Variants in FAM107B observed in about 807,000 individuals in gnomAD.
FAM107B encodes protein FAM107B.
In FAM107B, 21 loss-of-function variants were observed where a neutral mutation model predicts 31.5. The observed-to-expected ratio is 0.67, with a 90% CI of 0.47 to 0.96. FAM107B has a LOEUF of 0.96. Among genes scored for constraint, FAM107B ranks in the 40% least tolerant of loss-of-function variants. The probability of loss-of-function intolerance (pLI) is 0.00; values close to 1 mark genes in which losing one functional copy is unlikely to be tolerated. For missense variants in FAM107B, 452 were observed against 377.1 expected (o/e 1.20, Z -1.64); for synonymous variants, 157 against 141.5 (o/e 1.11, Z -0.78).
chr10:14,674,723 C>T (rs1284213302), intron 1 of FAM107B, among the ~76,000 whole-genome samples: 1 of 152,064 alleles, frequency 6.6e-6, no homozygotes, highest in Non-Finnish European at 1.5e-5. Flanking sequence ...CAAGGGGAAA[C>T]AGAGTTGTTT....
At chr10:14,662,850 T>C (rs892151392) in intron 2 of FAM107B, among the ~76,000 whole-genome samples, 11 of 152,120 alleles carry the variant, frequency 7.2e-5, no homozygotes, top group African/African-American at 2.7e-4. Context: ...ATGCAAAGTA[T>C]TGTTTCTGGG....
At chr10:14,733,338 T>G (rs1856218017) in intron 1 of FAM107B, among the ~76,000 whole-genome samples, 1 of 152,114 alleles carries the variant, frequency 6.6e-6, no homozygotes. Context: ...CACATTTTAC[T>G]TCAATTTTGT....
chr10:14,530,918 CAT>C (rs1438197868), intron 2 of FAM107B, among the ~76,000 whole-genome samples: 4 of 152,188 alleles, frequency 2.6e-5, no homozygotes, highest in Non-Finnish European at 4.4e-5. Context: ...CAGTTGGACA[CAT>C]GTGTCAGGAA....
chr10:14,615,978 A>G (rs1564601232), intron 2 of FAM107B, among the ~76,000 whole-genome samples: 1 of 152,252 alleles, frequency 6.6e-6, no homozygotes, highest in Non-Finnish European at 1.5e-5. Context: ...TTACTTAGGC[A>G]TACTTCCCAA....
chr10:14,584,580 A>G (rs1851762231), intron 2 of FAM107B, among the ~76,000 whole-genome samples: 1 of 152,240 alleles, frequency 6.6e-6, no homozygotes, highest in South Asian at 2.1e-4. Context: ...AAACCACACC[A>G]AAAGAAAACC....
intron 2 of FAM107B, among the ~76,000 whole-genome samples, chr10:14,565,362 C>A (rs1478700813): frequency 1.3e-5 from 2 of 152,050 alleles, no homozygotes; most frequent in Non-Finnish European, 1.5e-5. Flanking sequence ...AAGGGGAGAA[C>A]CCTCGGCAGA....
chr10:14,577,322 GC>G (rs1363677047), intron 2 of FAM107B, among the ~76,000 whole-genome samples: 1 of 152,128 alleles, frequency 6.6e-6, no homozygotes, highest in Non-Finnish European at 1.5e-5. Context: ...GCCTCATGGG[GC>G]CCAATGGAGA....
At chr10:14,618,402 C>G (rs1852907431) in intron 2 of FAM107B, among the ~76,000 whole-genome samples, 1 of 152,122 alleles carries the variant, frequency 6.6e-6, no homozygotes, top group Admixed American at 6.5e-5. Flanking sequence ...CATATGTTTT[C>G]ATTTCTCTTG....
chr10:14,699,824 G>A (rs1855352528), intron 1 of FAM107B, among the ~76,000 whole-genome samples: 2 of 152,238 alleles, frequency 1.3e-5, no homozygotes, highest in African/African-American at 4.8e-5. Flanking sequence ...GGAGCAAAAG[G>A]ATTGTCCATC....
intron 2 of FAM107B, among the ~76,000 whole-genome samples, chr10:14,550,574 C>T (rs991895025): frequency 6.6e-6 from 1 of 152,188 alleles, no homozygotes; most frequent in African/African-American, 2.4e-5. Flanking sequence ...AAAAAGGTGG[C>T]GTGGCACCCC....
chr10:14,646,369 C>A (rs1307031162), intron 2 of FAM107B, among the ~76,000 whole-genome samples: 1 of 152,120 alleles, frequency 6.6e-6, no homozygotes. Context: ...CTCCAGTGTC[C>A]ACTGTACCAC....
At chr10:14,568,613 A>AGGAGGTGAAGATACTTG (rs1564575170) in intron 2 of FAM107B, among the ~76,000 whole-genome samples, 19 of 134,926 alleles carry the variant, frequency 1.4e-4, no homozygotes, top group East Asian at 2.3e-4. Flanking sequence ...GAAGATACTC[A>AGGAGGTGAAGATACTTG]GGTAGGAGGA....
chr10:14,715,289 T>C (rs1855755889), intron 1 of FAM107B, among the ~76,000 whole-genome samples: 1 of 152,128 alleles, frequency 6.6e-6, no homozygotes, highest in Non-Finnish European at 1.5e-5. Context: ...AGAAACTTTC[T>C]TTGGAAATTA....
intron 2 of FAM107B, among the ~76,000 whole-genome samples, chr10:14,545,960 C>T (rs1377504407): frequency 6.6e-6 from 1 of 152,148 alleles, no homozygotes; most frequent in African/African-American, 2.4e-5. Context: ...ATACACAGAC[C>T]ACGAAAAGCT....
intron 2 of FAM107B, among the ~76,000 whole-genome samples, chr10:14,631,699 A>G (rs952192796): frequency 6.6e-6 from 1 of 152,054 alleles, no homozygotes; most frequent in Non-Finnish European, 1.5e-5. Flanking sequence ...CCACCCCGGC[A>G]ACTTCATCAT....
At chr10:14,736,030 T>TGGGAAAA (rs966454885) in intron 1 of FAM107B, among the ~76,000 whole-genome samples, 3 of 151,982 alleles carry the variant, frequency 2.0e-5, no homozygotes, top group East Asian at 1.9e-4. Flanking sequence ...GTATGGTGCC[T>TGGGAAAA]GGGAAAAGGG....
chr10:14,750,790 A>T (rs1269813962), intron 1 of FAM107B, among the ~76,000 whole-genome samples: 3 of 152,246 alleles, frequency 2.0e-5, no homozygotes, highest in Middle Eastern at 3.4e-3. Flanking sequence ...CTACAAAAAA[A>T]TTTTAAAAAT....
At chr10:14,728,131 C>T (rs1374314951) in intron 1 of FAM107B, among the ~76,000 whole-genome samples, 1 of 152,156 alleles carries the variant, frequency 6.6e-6, no homozygotes, top group Non-Finnish European at 1.5e-5. Context: ...TGCTTGTGAG[C>T]TTGTGGGTGG....
rs375101907 is a variant in FAM107B, at chr10:14,537,337, C to T, written c.470-6822G>A. Among the ~76,000 whole-genome samples, 4 of 152,334 alleles carry T rather than the reference C, an allele frequency of 2.6e-5. No individual in the cohort carries two copies. The East Asian group carries it at 5.8e-4, about 22-fold the overall frequency. On this transcript the variant is annotated intron_variant, in intron 2 of 4. Coordinates refer to ENST00000181796, the MANE Select transcript of FAM107B (RefSeq NM_031453.4). ...CTTCCCCTGTCACTTGGTCCTCATA[C>T]GGCCCATGAGGCAGGGGTCATGACT...
Sources: allele counts gnomAD v4.1 joint callset (sites outside exome capture counted in the v4.1 genomes callset), GRCh38; gene constraint gnomAD v4.1.1; transcripts MANE v1.5; gene names NCBI Gene and HGNC (gene_info 2026-07-23, HGNC 2026-07-21).